ARID4A: variants seen among roughly 807,000 people sequenced by gnomAD.
ARID4A encodes AT-rich interactive domain-containing protein 4A.
ARID4A carries 39 observed loss-of-function variants against 148.6 expected under a neutral mutation model. That is an observed-to-expected ratio of 0.26 (90% CI 0.20 to 0.34). The LOEUF (loss-of-function observed/expected upper bound fraction) is 0.34. ARID4A is among the 10% of genes least tolerant of loss of function. The pLI, the probability that ARID4A is intolerant of heterozygous loss-of-function variation, is 1.00. For missense variants in ARID4A, 1,265 were observed against 1,449.1 expected (o/e 0.87, Z 2.06); for synonymous variants, 475 against 481.2 (o/e 0.99, Z 0.17).
chr14:58,335,399 C>T (rs1393548813), intron 11 of ARID4A, among the ~76,000 whole-genome samples: 1 of 151,422 alleles, frequency 6.6e-6, no homozygotes, highest in African/African-American at 2.4e-5. Flanking sequence ...CCACAACCTC[C>T]GCCTCCTGGG....
chr14:58,332,731 T>C (rs918293131), intron 11 of ARID4A, among the ~76,000 whole-genome samples: 2 of 152,178 alleles, frequency 1.3e-5, no homozygotes, highest in Non-Finnish European at 2.9e-5. Context: ...GGCTACGCTG[T>C]TTTATTACAT....
chr14:58,317,451 A>AT (rs544348441), intron 5 of ARID4A, among the ~76,000 whole-genome samples: 43 of 148,608 alleles, frequency 2.9e-4, no homozygotes, highest in African/African-American at 6.6e-4. Context: ...CGTCTGGCTA[A>AT]TTTTTTTTGT....
At position 58,373,779 on chromosome 14, in the gene ARID4A, A is replaced by G. The variant is rs2035697365; in HGVS notation, c.*1790A>G. 6.2e-6 allele frequency: 1 copy of G among 160,504 alleles called. No individual in the cohort carries two copies. Among genetic ancestry groups the G allele is most frequent in the South Asian group, 2.0e-4 (1 of 4,904 alleles). 9.9% of individuals were successfully genotyped at this position (160,504 alleles called of 1,614,324 possible). A position where few individuals can be genotyped will look rare whatever the true frequency, so the allele number is the denominator to read the frequency against. ...CATTTAAGTGATTGCTTTTTTCCTA[A>G]GTGCTTGTAACTTACAGTTGGAAAA... On this transcript the variant is annotated 3_prime_UTR_variant, in exon 24 of 24. Transcript: ENST00000355431.
At chr14:58,304,554 C>T (rs1213145313) in intron 3 of ARID4A, among the ~76,000 whole-genome samples, 1 of 152,024 alleles carries the variant, frequency 6.6e-6, no homozygotes, top group Non-Finnish European at 1.5e-5. Context: ...ATTTGTTTAC[C>T]TTTCATATAG....
chr14:58,337,934 A>C (rs1332702399), intron 11 of ARID4A, among the ~76,000 whole-genome samples: 4 of 152,120 alleles, frequency 2.6e-5, no homozygotes, highest in Non-Finnish European at 5.9e-5. Context: ...CCTGATCATG[A>C]TGTGACCCAT....
At chr14:58,301,270 C>A (rs2031144288) in intron 2 of ARID4A, among the ~76,000 whole-genome samples, 1 of 141,206 alleles carries the variant, frequency 7.1e-6, no homozygotes, top group Admixed American at 7.4e-5. Flanking sequence ...AATATTTTTT[C>A]TGTTTTTTTC....
intron 11 of ARID4A, among the ~76,000 whole-genome samples, chr14:58,342,987 T>C (rs1434967198): frequency 6.6e-6 from 1 of 152,170 alleles, no homozygotes; most frequent in African/African-American, 2.4e-5. Context: ...AGGCAAAGCA[T>C]AGAGCCAGTC....
intron 1 of ARID4A, among the ~76,000 whole-genome samples, chr14:58,298,974 C>A (rs1488907112): frequency 6.6e-6 from 1 of 152,210 alleles, no homozygotes; most frequent in East Asian, 1.9e-4. Context: ...AAGTTTGCTT[C>A]CGCGCGGTGA....
intron 14 of ARID4A, 130 bp downstream of exon 14, chr14:58,347,247 A>T: frequency 2.0e-6 from 1 of 500,988 alleles, no homozygotes; most frequent in South Asian, 4.6e-5. Context: ...GTTTAGGTTG[A>T]CAGATACTTG....
At chr14:58,303,684 A>G (rs373518943) in intron 3 of ARID4A, 193 of 303,330 alleles carry the variant, frequency 6.4e-4, no homozygotes, top group African/African-American at 3.6e-3. Flanking sequence ...CCAGACCAGC[A>G]GCATCAGCCT....
chr14:58,351,337 T>C lies in ARID4A; in HGVS notation c.1655+14T>C, dbSNP rs371733834. The C allele has an allele frequency of 4.4e-6, 7 of 1,584,796 alleles. No individual in the cohort carries two copies. Among genetic ancestry groups the C allele is most frequent in the South Asian group, 1.2e-5 (1 of 84,696 alleles). ...AAGCCAAGAGAGGTACATTATCTTA[T>C]GTTTGTTCTCCAGAAGCACCTGTCT... On this transcript the variant is annotated intron_variant, in intron 16 of 23. Transcript: ENST00000355431.
At position 58,359,201 on chromosome 14, in the gene ARID4A, G is replaced by A. The variant is rs768554435; in HGVS notation, c.1923G>A (p.Gln641=). Residue 641 remains glutamine (Q), a synonymous_variant, in exon 18 of 24, where the codon CAG becomes CAA. Transcript: ENST00000355431. ...PLDKGGPKKK[Q]KKKAKNKEDS... ...ACAAAGGTGGACCAAAGAAAAAACAGAAGAAAAAAGCTAAAGTATGTTTGT... is the reference window on the plus strand; with the variant it reads ...ACAAAGGTGGACCAAAGAAAAAACAAAAGAAAAAAGCTAAAGTATGTTTGT... 3.1e-6 allele frequency: 5 copies of A among 1,589,144 alleles called. No homozygotes were observed. The Admixed American group carries it at 9.2e-5, about 29-fold the overall frequency.
chr14:58,351,425 G>A, intron 16 of ARID4A, 102 bp downstream of exon 16: 1 of 1,431,756 alleles, frequency 7.0e-7, no homozygotes, highest in Non-Finnish European at 9.4e-7. Context: ...TTTCTTATTG[G>A]GACTTCCGTT....
At chr14:58,358,167 G>C (rs1209513886) in intron 17 of ARID4A, among the ~76,000 whole-genome samples, 1 of 151,916 alleles carries the variant, frequency 6.6e-6, no homozygotes, top group Non-Finnish European at 1.5e-5. Context: ...GCAACAGAGT[G>C]AGACCCTCTC....
chr14:58,315,537 T>A (rs986555019), intron 5 of ARID4A, among the ~76,000 whole-genome samples: 2 of 152,228 alleles, frequency 1.3e-5, no homozygotes, highest in Non-Finnish European at 2.9e-5. Context: ...AATGTGTGTG[T>A]GTGTCTAGTA....
chr14:58,370,826 G>A (rs929106318), intron 23 of ARID4A, among the ~76,000 whole-genome samples: 3 of 152,006 alleles, frequency 2.0e-5, no homozygotes, highest in African/African-American at 7.3e-5. Context: ...GCTCAGGCTG[G>A]TCTGGAACCC....
At chr14:58,348,029 A>G in intron 15 of ARID4A, 151 bp downstream of exon 15, 3 of 577,418 alleles carry the variant, frequency 5.2e-6, no homozygotes, top group Non-Finnish European at 8.9e-6. Context: ...TTCGAAATAT[A>G]TTGTATATTA....
At chr14:58,363,216 T>C (rs2035208828) in intron 19 of ARID4A, among the ~76,000 whole-genome samples, 1 of 152,226 alleles carries the variant, frequency 6.6e-6, no homozygotes, top group African/African-American at 2.4e-5. Flanking sequence ...AAATTCATGT[T>C]TGCAGTTTTG....
intron 8 of ARID4A, among the ~76,000 whole-genome samples, chr14:58,325,245 A>G (rs1252282250): frequency 1.3e-5 from 2 of 152,034 alleles, no homozygotes; most frequent in Non-Finnish European, 2.9e-5. Flanking sequence ...CTCAAGTCCT[A>G]CATTCTTTGC....
Sources: gnomAD v4.1 joint callset for allele counts (sites outside exome capture counted in the v4.1 genomes callset) on GRCh38, gnomAD v4.1.1 for gene constraint, MANE v1.5 for transcripts, NCBI Gene and HGNC (gene_info 2026-07-23, HGNC 2026-07-21) for gene names.